Variants in SAMD5 observed in about 807,000 individuals in gnomAD.
SAMD5 encodes the protein sterile alpha motif domain containing 5, also known as sterile alpha motif domain-containing protein 5.
A neutral mutation model predicts 11.3 loss-of-function variants in SAMD5; 13 were observed. That is an observed-to-expected ratio of 1.15 (90% CI 0.75 to 1.83). SAMD5 has a LOEUF of 1.83. Ranked by LOEUF, SAMD5 falls within the 40% of genes most tolerant of loss-of-function variation. The pLI is 0.00. For missense variants in SAMD5, 255 were observed against 239.1 expected (o/e 1.07, Z -0.44); for synonymous variants, 129 against 111.3 (o/e 1.16, Z -1.00).
chr6:147,673,567 T>C (rs748490773), intron 1 of SAMD5, among the ~76,000 whole-genome samples: 1 of 152,174 alleles, frequency 6.6e-6, no homozygotes, highest in Non-Finnish European at 1.5e-5. Flanking sequence ...AAATGATACT[T>C]GTGCGGACAC....
In SAMD5 at chr6:147,567,413, A is replaced by G; in HGVS notation, c.*2957A>G. 2.0e-6 allele frequency: 2 copies of G among 984,726 alleles called. No homozygotes were observed. Among genetic ancestry groups the G allele is most frequent in the Non-Finnish European group, 2.4e-6 (2 of 829,282 alleles). 61.0% of individuals were successfully genotyped at this position (984,726 alleles called of 1,614,324 possible). On this transcript the variant is annotated 3_prime_UTR_variant, in exon 2 of 2. Transcript: ENST00000367474. The stretch of plus-strand genomic sequence containing the variant: ...CTCAGATCTGAGTTTAAATTCTAAA[A>G]TTATTCTAGTAGTATTTTCCTGCGG...
chr6:147,741,005 T>A (rs1407162014), downstream of SAMD5, among the ~76,000 whole-genome samples: 1 of 152,214 alleles, frequency 6.6e-6, no homozygotes. Context: ...GTTTAATTTT[T>A]AAAACAAGAG....
rs1355927581 is a variant in SAMD5, at chr6:147,566,792, G to A, written c.*2336G>A. 1.0e-6 allele frequency: 1 copy of A among 981,236 alleles called. No homozygotes were observed. The highest frequency in any genetic ancestry group is 1.2e-6 in the Non-Finnish European group (1 of 826,308). The allele number at this position is 981,236 out of a possible 1,614,324, so 60.8% of individuals were successfully genotyped here. On this transcript the variant is annotated 3_prime_UTR_variant, in exon 2 of 2. Transcript: ENST00000367474. ...AATAAGCAAAGAAGTATTGAAGGAT[G>A]CCCACGAATTCCTTTGCATTAAAAT...
At chr6:147,675,414 A>G (rs1024434612) in intron 1 of SAMD5, among the ~76,000 whole-genome samples, 1 of 152,160 alleles carries the variant, frequency 6.6e-6, no homozygotes, top group Non-Finnish European at 1.5e-5. Flanking sequence ...AATACCTCAT[A>G]TACATCCGTA....
At chr6:147,905,476 C>T in the SAMD5 span, among the ~76,000 whole-genome samples, 81 of 152,286 alleles carry the variant, frequency 5.3e-4, no homozygotes, top group African/African-American at 1.9e-3. Context: ...CTGCTGCACC[C>T]GGCCTATGCC....
chr6:147,726,854 G>T (rs568243960), intron 1 of SAMD5, among the ~76,000 whole-genome samples: 2 of 152,286 alleles, frequency 1.3e-5, no homozygotes, highest in South Asian at 4.1e-4. Flanking sequence ...ACAGCTCCAT[G>T]CTATTATTTC....
At chr6:147,941,853 G>T in the SAMD5 span, among the ~76,000 whole-genome samples, 2 of 49,446 alleles carry the variant, frequency 4.0e-5, no homozygotes, top group African/African-American at 8.0e-5. Context: ...TGTGAAGTTG[G>T]TTTGTTTGTT....
chr6:147,758,464 C>CAG, the SAMD5 span, among the ~76,000 whole-genome samples: 1 of 152,228 alleles, frequency 6.6e-6, no homozygotes, highest in Admixed American at 6.5e-5. Flanking sequence ...CAGGGAGAGC[C>CAG]AGCAACCATG....
the SAMD5 span, among the ~76,000 whole-genome samples, chr6:147,936,435 G>T: frequency 6.6e-6 from 1 of 151,522 alleles, no homozygotes; most frequent in Non-Finnish European, 1.5e-5. Context: ...AGCAGGAGTG[G>T]CGAGGGGCAG....
the SAMD5 span, among the ~76,000 whole-genome samples, chr6:147,918,878 T>G: frequency 6.6e-6 from 1 of 151,978 alleles, no homozygotes; most frequent in African/African-American, 2.4e-5. Context: ...CTAATTTTTT[T>G]GTATTTTTAG....
chr6:147,860,758 A>G, the SAMD5 span, among the ~76,000 whole-genome samples: 1 of 152,236 alleles, frequency 6.6e-6, no homozygotes, highest in Non-Finnish European at 1.5e-5. Context: ...GCTTTCTTCC[A>G]TAAAACTATG....
At chr6:147,924,200 G>A in the SAMD5 span, among the ~76,000 whole-genome samples, 2 of 152,152 alleles carry the variant, frequency 1.3e-5, no homozygotes, top group Non-Finnish European at 2.9e-5. Flanking sequence ...GCTGAGAGGT[G>A]AACCTTAGGG....
intron 1 of SAMD5, among the ~76,000 whole-genome samples, chr6:147,662,185 G>A (rs1434919467): frequency 6.6e-6 from 1 of 152,210 alleles, no homozygotes; most frequent in Non-Finnish European, 1.5e-5. Context: ...GAATTAAGCA[G>A]AAGATGAAAG....
At chr6:147,702,078 G>A (rs1326539539) in intron 1 of SAMD5, among the ~76,000 whole-genome samples, 1 of 152,186 alleles carries the variant, frequency 6.6e-6, no homozygotes, top group Non-Finnish European at 1.5e-5. Flanking sequence ...TTTCCACATG[G>A]CTGAGGAAGC....
intron 1 of SAMD5, among the ~76,000 whole-genome samples, chr6:147,697,850 A>G (rs143721263): frequency 3.3e-4 from 51 of 152,310 alleles, no homozygotes; most frequent in Middle Eastern, 3.4e-3. Flanking sequence ...TGTAAGGTTC[A>G]TAAGACCAGA....
chr6:147,575,808 G>A (rs933985297), intron 1 of SAMD5, among the ~76,000 whole-genome samples: 1 of 152,156 alleles, frequency 6.6e-6, no homozygotes, highest in Admixed American at 6.5e-5. Flanking sequence ...GTTGTGTTTG[G>A]CTTACTGCCA....
chr6:147,674,419 G>A (rs764876457), intron 1 of SAMD5, among the ~76,000 whole-genome samples: 3 of 151,994 alleles, frequency 2.0e-5, no homozygotes, highest in Non-Finnish European at 2.9e-5. Context: ...TCAAAGCCTC[G>A]ATTCATAGCA....
chr6:147,787,487 G>C, the SAMD5 span, among the ~76,000 whole-genome samples: 1 of 152,122 alleles, frequency 6.6e-6, no homozygotes, highest in Non-Finnish European at 1.5e-5. Context: ...AAGAATTAAA[G>C]AGATCCACAA....
chr6:147,904,446 A>AC, the SAMD5 span, among the ~76,000 whole-genome samples: 6 of 152,204 alleles, frequency 3.9e-5, no homozygotes, highest in Admixed American at 6.5e-5. Flanking sequence ...ACTTCATGGA[A>AC]CACAGCCTCT....
Sources: allele counts gnomAD v4.1 joint callset (sites outside exome capture counted in the v4.1 genomes callset), GRCh38; gene constraint gnomAD v4.1.1; transcripts MANE v1.5; gene names NCBI Gene and HGNC (gene_info 2026-07-23, HGNC 2026-07-21).